MGAT5B: variants seen among roughly 807,000 people sequenced by gnomAD.
MGAT5B encodes N-acetylglucosaminyl-transferase Vb.
A neutral mutation model predicts 95.1 loss-of-function variants in MGAT5B; 54 were observed. That is an observed-to-expected ratio of 0.57 (90% CI 0.46 to 0.71). MGAT5B has a LOEUF of 0.71. MGAT5B is among the 30% of genes least tolerant of loss of function. The probability of loss-of-function intolerance (pLI) is 0.00; values close to 1 mark genes in which losing one functional copy is unlikely to be tolerated. For missense variants in MGAT5B, 935 were observed against 1,088.6 expected (o/e 0.86, Z 1.99); for synonymous variants, 464 against 451.0 (o/e 1.03, Z -0.36).
At chr17:76,887,388 C>A (rs1210869714) in intron 3 of MGAT5B, among the ~76,000 whole-genome samples, 3 of 151,818 alleles carry the variant, frequency 2.0e-5, no homozygotes, top group South Asian at 2.1e-4. Flanking sequence ...CACTGACTGA[C>A]CCCAACCAGC....
chr17:76,913,189 A>T (rs766952154), intron 8 of MGAT5B, among the ~76,000 whole-genome samples: 12 of 152,154 alleles, frequency 7.9e-5, no homozygotes, highest in Admixed American at 2.6e-4. Flanking sequence ...CAGGTGCCCA[A>T]AGGAAAGGCT....
At chr17:76,896,215 T>C (rs1968060377) in intron 3 of MGAT5B, among the ~76,000 whole-genome samples, 1 of 152,264 alleles carries the variant, frequency 6.6e-6, no homozygotes, top group East Asian at 1.9e-4. Context: ...GTTGTCACTT[T>C]TAGAAAAACC....
intron 9 of MGAT5B, among the ~76,000 whole-genome samples, chr17:76,925,511 G>A (rs996851619): frequency 8.6e-5 from 13 of 151,392 alleles, no homozygotes; most frequent in Middle Eastern, 3.4e-3. Flanking sequence ...CCCTCTCTCC[G>A]TCTGGAGGAA....
chr17:76,935,667 G>A (rs1969629005), intron 12 of MGAT5B, among the ~76,000 whole-genome samples: 1 of 142,456 alleles, frequency 7.0e-6, no homozygotes, highest in Non-Finnish European at 1.5e-5. Context: ...AAAATATTAG[G>A]TTGTTTATTT....
intron 2 of MGAT5B, among the ~76,000 whole-genome samples, chr17:76,876,971 C>T (rs1270826027): frequency 6.6e-6 from 1 of 152,146 alleles, no homozygotes; most frequent in African/African-American, 2.4e-5. Context: ...GGCCTCCTTC[C>T]CCATGTGGCT....
chr17:76,915,853 G>A lies in MGAT5B; in HGVS notation c.1026-9113G>A, dbSNP rs1303122703. Among the ~76,000 whole-genome samples, 2 of 152,194 alleles carry A rather than the reference G, an allele frequency of 1.3e-5. No homozygotes were observed. Among genetic ancestry groups the A allele is most frequent in the Non-Finnish European group, 2.9e-5 (2 of 68,042 alleles). On this transcript the variant is annotated intron_variant, in intron 8 of 17. Transcript: ENST00000569840. The surrounding 1 kb of genome is among the most constrained non-coding windows in gnomAD (Gnocchi z 8.7). Reference sequence around the variant, plus strand: ...GGCATTTTAACCTCCTGGCTGAGCGGGGAGCGAGCGCAGGAGCACACATCC... The same window carrying A: ...GGCATTTTAACCTCCTGGCTGAGCGAGGAGCGAGCGCAGGAGCACACATCC...
At chr17:76,874,027 A>T (rs1485237450) in intron 2 of MGAT5B, among the ~76,000 whole-genome samples, 1 of 152,072 alleles carries the variant, frequency 6.6e-6, no homozygotes, top group African/African-American at 2.4e-5. Flanking sequence ...CATTAGATTC[A>T]TTCCTCTGGT....
intron 15 of MGAT5B, among the ~76,000 whole-genome samples, chr17:76,944,992 T>C (rs904859674): frequency 6.6e-6 from 1 of 152,066 alleles, no homozygotes; most frequent in African/African-American, 2.4e-5. Flanking sequence ...CCAGGCATGG[T>C]GGGGTGGGGA....
At chr17:76,888,052 C>T (rs1220209805) in intron 3 of MGAT5B, among the ~76,000 whole-genome samples, 1 of 152,178 alleles carries the variant, frequency 6.6e-6, no homozygotes, top group East Asian at 1.9e-4. Context: ...GAATTTGCTT[C>T]CCCGGGCAGG....
chr17:76,910,236 G>T (rs1266543322), intron 8 of MGAT5B, among the ~76,000 whole-genome samples: 1 of 152,186 alleles, frequency 6.6e-6, no homozygotes, highest in African/African-American at 2.4e-5. Flanking sequence ...GACAAGGTGT[G>T]GGGCCCACTC....
At chr17:76,885,636 C>T (rs563063414) in intron 3 of MGAT5B, among the ~76,000 whole-genome samples, 2 of 152,330 alleles carry the variant, frequency 1.3e-5, no homozygotes, top group African/African-American at 4.8e-5. Flanking sequence ...CCAGCTCCCT[C>T]CTGGGAAATA....
intron 2 of MGAT5B, among the ~76,000 whole-genome samples, chr17:76,878,528 G>C (rs1357728444): frequency 6.6e-6 from 1 of 152,110 alleles, no homozygotes; most frequent in Non-Finnish European, 1.5e-5. Context: ...AGGCTGGAGT[G>C]CAGTGGTGCA....
intron 11 of MGAT5B, 52 bp from the exon 12 acceptor site, chr17:76,933,240 T>G (rs1969551827): frequency 6.3e-7 from 1 of 1,597,952 alleles, no homozygotes; most frequent in Admixed American, 1.7e-5. Flanking sequence ...GAATCATCAC[T>G]AACCTGCTGT....
rs991788184 is a variant in MGAT5B at position 76,938,818 on chromosome 17, A to T, written c.1584+675A>T. ...CTCCACCTCCCGAGTAGCTGGGACT[A>T]TTGGCATACACCACCACACCTGGCT... On this transcript the variant is annotated intron_variant, in intron 13 of 17. Coordinates refer to ENST00000569840, the MANE Select transcript of MGAT5B (RefSeq NM_001199172.2). This position sits in a 1 kb window ranked among gnomAD's most constrained non-coding sequence, Gnocchi z 4.3. Among the ~76,000 whole-genome samples, 1 of 152,018 alleles carries T rather than the reference A, an allele frequency of 6.6e-6. No individual in the cohort carries two copies.
intron 3 of MGAT5B, among the ~76,000 whole-genome samples, chr17:76,890,190 G>T (rs1194670723): frequency 1.3e-5 from 2 of 152,240 alleles, no homozygotes; most frequent in African/African-American, 4.8e-5. Flanking sequence ...AGGGGCTGCA[G>T]TCCTGTCCTC....
At chr17:76,882,409 CA>C (rs1426988810) in intron 3 of MGAT5B, 111 bp downstream of exon 3, 2 of 1,346,138 alleles carry the variant, frequency 1.5e-6, no homozygotes, top group Non-Finnish European at 1.0e-6. Context: ...AGATTTGGAC[CA>C]CACTGTGGTA....
intron 12 of MGAT5B, among the ~76,000 whole-genome samples, chr17:76,935,687 G>A (rs74936082): frequency 0.062 from 8,561 of 138,666 alleles, 830 homozygotes; most frequent in African/African-American, 0.21. Context: ...TTCTTACTAT[G>A]GAGTTGTTAG....
intron 10 of MGAT5B, among the ~76,000 whole-genome samples, chr17:76,932,162 C>CT (rs766262868): frequency 7.0e-6 from 1 of 143,374 alleles, no homozygotes; most frequent in Non-Finnish European, 1.5e-5. Context: ...GGGTCTTGCT[C>CT]TGTTGCCTGG....
chr17:76,874,742 A>C lies in MGAT5B; in HGVS notation c.181+1779A>C, dbSNP rs538855735. Among the ~76,000 whole-genome samples, 41 of 152,204 alleles carry C rather than the reference A, an allele frequency of 2.7e-4. No homozygotes were observed. The South Asian group carries it at 8.5e-3, about 32-fold the overall frequency. ...CCCATGGCTCTTGCCCCATCTGGGC[A>C]GGATCAGACTCAGTGCCCCAGAGTG... On this transcript the variant is annotated intron_variant, in intron 2 of 17. Transcript: ENST00000569840.
Sources: gnomAD v4.1 joint callset for allele counts (sites outside exome capture counted in the v4.1 genomes callset) on GRCh38, gnomAD v4.1.1 for gene constraint, Gnocchi (gnomAD v3.1) non-coding constraint, MANE v1.5 for transcripts, NCBI Gene and HGNC (gene_info 2026-07-23, HGNC 2026-07-21) for gene names.